CYB5R3: variants seen among roughly 807,000 people sequenced by gnomAD.
CYB5R3 encodes the protein cytochrome b5 reductase 3, also known as NADH-cytochrome b5 reductase 3.
CYB5R3 carries 28 observed loss-of-function variants against 36.5 expected under a neutral mutation model. The ratio of observed to expected loss-of-function variants is 0.77; its 90% CI spans 0.57 to 1.05. CYB5R3 has a LOEUF of 1.05. CYB5R3 is among the 50% of genes least tolerant of loss of function. The probability of loss-of-function intolerance (pLI) is 0.00; values close to 1 mark genes in which losing one functional copy is unlikely to be tolerated. For synonymous variants in CYB5R3, 181 were observed against 159.8 expected (o/e 1.13, Z -1.00); for missense variants, 474 against 408.9 (o/e 1.16, Z -1.37).
At chr22:42,638,340 G>C (rs1477814940) in intron 1 of CYB5R3, among the ~76,000 whole-genome samples, 1 of 137,464 alleles carries the variant, frequency 7.3e-6, no homozygotes, top group Admixed American at 8.3e-5. Flanking sequence ...AGGTTGCAGT[G>C]AGCCAAGATC....
Position 42,627,700 on chromosome 22 carries a change from G to A in CYB5R3, c.464-12C>T. On this transcript the variant is annotated splice_polypyrimidine_tract_variant and intron_variant, in intron 5 of 8. Coordinates refer to ENST00000352397, the MANE Select transcript of CYB5R3 (RefSeq NM_000398.7). ...GATGGCGAACTTCCCTGGGGAGAGAGAAGGGGTGAGGCCCGGCCATCAAAC... is the reference window on the plus strand; with the variant it reads ...GATGGCGAACTTCCCTGGGGAGAGAAAAGGGGTGAGGCCCGGCCATCAAAC... The A allele has an allele frequency of 6.3e-7, 1 of 1,596,440 alleles. No individual in the cohort carries two copies. Among genetic ancestry groups the A allele is most frequent in the Non-Finnish European group, 8.6e-7 (1 of 1,163,918 alleles).
rs374232137 is a variant in CYB5R3, at chr22:42,627,627, C to G, written c.525G>C (p.Val175=). The change falls in exon 6 of 9, where the codon GTG becomes GTC. Residue 175 remains valine (V), a synonymous_variant. Coordinates refer to ENST00000352397, the MANE Select transcript of CYB5R3 (RefSeq NM_000398.7). ...SNPIIRTVKS[V]GMIAGGTGIT... ...TACCTGTCCCTCCCGCGATCATGCC[C>G]ACAGACTTCACTGTCCTGATGATAG... 5.0e-6 allele frequency: 8 copies of G among 1,614,172 alleles called. No homozygotes were observed. Among genetic ancestry groups the G allele is most frequent in the Non-Finnish European group, 6.8e-6 (8 of 1,180,010 alleles).
chr22:42,618,045 C>T lies in CYB5R3; in HGVS notation c.*1728G>A, dbSNP rs1209523380. 1 of 152,332 alleles carries T rather than the reference C, an allele frequency of 6.6e-6. No individual in the cohort carries two copies. Among genetic ancestry groups the T allele is most frequent in the Non-Finnish European group, 1.5e-5 (1 of 68,154 alleles). The allele number at this position is 152,332 out of a possible 1,614,324, so 9.4% of individuals were successfully genotyped here. A position where few individuals can be genotyped will look rare whatever the true frequency, so the allele number is the denominator to read the frequency against. ...CTTGCCTCATCACCTCTGTAATTTA[C>T]CACCATGCAGATGGCATCCTCTGAC... On this transcript the variant is annotated 3_prime_UTR_variant, in exon 9 of 9. Transcript: ENST00000352397.
At chr22:42,645,128 A>T (rs1929478689) in intron 1 of CYB5R3, among the ~76,000 whole-genome samples, 1 of 152,152 alleles carries the variant, frequency 6.6e-6, no homozygotes, top group South Asian at 2.1e-4. Flanking sequence ...AGTGGCTCCG[A>T]TGGCAAGTCC....
rs1929663628 is a variant in CYB5R3 at position 42,649,342 on chromosome 22, T to C, written c.-27A>G. Reference sequence around the variant, plus strand: ...GTGGCCCCGCGCCGCGCTCGCTCTGTCGCCGCCGCCGCCGCCGCCGAGACC... The same window carrying C: ...GTGGCCCCGCGCCGCGCTCGCTCTGCCGCCGCCGCCGCCGCCGCCGAGACC... On this transcript the variant is annotated 5_prime_UTR_variant, in exon 1 of 9. Coordinates refer to ENST00000352397, the MANE Select transcript of CYB5R3 (RefSeq NM_000398.7). 3 of 969,108 alleles carry C rather than the reference T, an allele frequency of 3.1e-6. No homozygotes were observed. Among genetic ancestry groups the C allele is most frequent in the Non-Finnish European group, 2.5e-6 (2 of 798,756 alleles). The allele number at this position is 969,108 out of a possible 1,614,324, so 60.0% of individuals were successfully genotyped here. A position where few individuals can be genotyped will look rare whatever the true frequency, so the allele number is the denominator to read the frequency against.
In CYB5R3 at chr22:42,619,573, G is replaced by A; in HGVS notation, c.*200C>T. 2 of 603,114 alleles carry A rather than the reference G, an allele frequency of 3.3e-6. No individual in the cohort carries two copies. Among genetic ancestry groups the A allele is most frequent in the Non-Finnish European group, 5.9e-6 (2 of 339,986 alleles). 37.4% of individuals were successfully genotyped at this position (603,114 alleles called of 1,614,324 possible). On this transcript the variant is annotated 3_prime_UTR_variant, in exon 9 of 9. Transcript: ENST00000352397. Reference sequence around the variant, plus strand: ...AGTGCCAGGCAGGACGTACTCTGAAGGCTCAGCCGTGGCCCATCTGGGACA... The same window carrying A: ...AGTGCCAGGCAGGACGTACTCTGAAAGCTCAGCCGTGGCCCATCTGGGACA...
At chr22:42,636,400 A>C (rs945824517) in intron 2 of CYB5R3, among the ~76,000 whole-genome samples, 1 of 152,036 alleles carries the variant, frequency 6.6e-6, no homozygotes, top group Admixed American at 6.6e-5. Context: ...CTTATCTTCA[A>C]ATCTCTCACC....
chr22:42,628,879 C>G (rs897358164), intron 4 of CYB5R3, among the ~76,000 whole-genome samples: 3 of 152,006 alleles, frequency 2.0e-5, no homozygotes, highest in African/African-American at 7.3e-5. Context: ...GGAGGGACAG[C>G]GTGTACACAG....
Position 42,631,370 on chromosome 22 carries a change from TGACTCACC to T in CYB5R3, c.226_226+7del. On this transcript the variant is annotated splice_donor_variant and splice_donor_5th_base_variant and coding_sequence_variant and intron_variant, in exon 3 of 9. Coordinates refer to ENST00000352397, the MANE Select transcript of CYB5R3 (RefSeq NM_000398.7). LOFTEE classifies it high-confidence loss of function. ...GCTCCGAATGGGCCCAGCAGGGGCG[TGACTCACC>T]GACAGGGAGGCCCAGGATGTGCTGG... 1 of 1,551,404 alleles carries T rather than the reference TGACTCACC, an allele frequency of 6.4e-7. No homozygotes were observed. The highest frequency in any genetic ancestry group is 8.7e-7 in the Non-Finnish European group (1 of 1,146,886).
intron 1 of CYB5R3, chr22:42,639,867 G>A (rs1359422560): frequency 1.0e-5 from 13 of 1,265,702 alleles, no homozygotes; most frequent in Admixed American, 5.9e-5. Flanking sequence ...TGGAATTTCT[G>A]ACAAATCTTA....
Position 42,636,739 on chromosome 22 carries a change from G to C in CYB5R3, c.129C>G (p.Tyr43Ter). ...AITLESPDIK[Y>*]PLRLIDREII... ...CCTCCCGGTCGATGAGCCGCAGCGG[G>C]TACTTGATGTCCGGGCTCTCGAGGG... is the stretch of plus-strand genomic sequence containing the variant. The change falls in exon 2 of 9, where the codon TAC becomes TAG. Residue 43 changes from tyrosine (Y) to a stop codon, truncating the protein, a stop_gained. Transcript: ENST00000352397. LOFTEE classifies it high-confidence loss of function. 6.2e-7 allele frequency: 1 copy of C among 1,613,258 alleles called. No individual in the cohort carries two copies. Among genetic ancestry groups the C allele is most frequent in the South Asian group, 1.1e-5 (1 of 91,042 alleles).
chr22:42,646,736 G>A (rs1276858669), intron 1 of CYB5R3: 7 of 985,790 alleles, frequency 7.1e-6, no homozygotes, highest in Non-Finnish European at 8.4e-6. Flanking sequence ...AGGGAGTGGA[G>A]GAAGTTCTGC....
At chr22:42,630,148 C>T (rs925676052) in intron 4 of CYB5R3, among the ~76,000 whole-genome samples, 1 of 152,160 alleles carries the variant, frequency 6.6e-6, no homozygotes, top group Non-Finnish European at 1.5e-5. Flanking sequence ...GGCCGTCATG[C>T]TGCCTCTTAC....
chr22:42,647,118 G>A (rs1929572532), intron 1 of CYB5R3: 2 of 326,038 alleles, frequency 6.1e-6, no homozygotes, highest in Non-Finnish European at 8.8e-6. Flanking sequence ...CCAGACTGTG[G>A]GGAGCCCGTA....
chr22:42,627,463 C>T lies in CYB5R3; in HGVS notation c.548-74G>A. 4 of 1,539,706 alleles carry T rather than the reference C, an allele frequency of 2.6e-6. 1 individual carries two copies. The South Asian group carries it at 3.4e-5, about 13-fold the overall frequency. On this transcript the variant is annotated intron_variant, in intron 6 of 8. Coordinates refer to ENST00000352397, the MANE Select transcript of CYB5R3 (RefSeq NM_000398.7). Reference sequence around the variant, plus strand: ...ACAGGCACCGCCCCGCCCAGGTGTACTGGGGTGGAGGGGCCAGGACCACTG... The same window carrying T: ...ACAGGCACCGCCCCGCCCAGGTGTATTGGGGTGGAGGGGCCAGGACCACTG...
chr22:42,626,899 C>T (rs1928297524), intron 7 of CYB5R3, among the ~76,000 whole-genome samples: 2 of 152,208 alleles, frequency 1.3e-5, no homozygotes, highest in African/African-American at 2.4e-5. Flanking sequence ...CATTCAAATC[C>T]TGCCCTGACA....
chr22:42,628,966 G>A (rs1224919740), intron 4 of CYB5R3, among the ~76,000 whole-genome samples: 1 of 152,068 alleles, frequency 6.6e-6, no homozygotes, highest in East Asian at 1.9e-4. Flanking sequence ...GGGAGTGGAG[G>A]GCCACGGACA....
At chr22:42,642,332 T>C (rs1929321937) in intron 1 of CYB5R3, among the ~76,000 whole-genome samples, 1 of 152,184 alleles carries the variant, frequency 6.6e-6, no homozygotes, top group Non-Finnish European at 1.5e-5. Flanking sequence ...CAGGCTAATC[T>C]CAAACTTCTG....
At chr22:42,644,066 A>G (rs1929418444) in intron 1 of CYB5R3, among the ~76,000 whole-genome samples, 1 of 151,980 alleles carries the variant, frequency 6.6e-6, no homozygotes, top group Non-Finnish European at 1.5e-5. Context: ...ACCACATGAC[A>G]CTGTTATCTA....
Sources: gnomAD v4.1 joint callset for allele counts (sites outside exome capture counted in the v4.1 genomes callset) on GRCh38, gnomAD v4.1.1 for gene constraint, MANE v1.5 for transcripts, NCBI Gene and HGNC (gene_info 2026-07-23, HGNC 2026-07-21) for gene names.